RPH3A: variants seen among roughly 807,000 people sequenced by gnomAD.
RPH3A encodes the protein rabphilin 3A.
Under a neutral mutation model 102.2 loss-of-function variants are expected in RPH3A, and 48 were observed. The ratio of observed to expected loss-of-function variants is 0.47; its 90% CI spans 0.37 to 0.60. RPH3A has a LOEUF of 0.60. Ranked by LOEUF, RPH3A falls within the 20% of genes least tolerant of loss-of-function variation. The pLI, the probability that RPH3A is intolerant of heterozygous loss-of-function variation, is 0.00. For synonymous variants in RPH3A, 310 were observed against 324.3 expected, an observed-to-expected ratio of 0.96 and a Z score of 0.47; for missense variants, 781 against 910.1, an observed-to-expected ratio of 0.86 and a Z score of 1.83.
rs115373870 is a variant in RPH3A at position 112,875,233 on chromosome 12, C to T, written c.883+63C>T. On this transcript the variant is annotated intron_variant, in intron 11 of 21. Coordinates refer to ENST00000389385, the MANE Select transcript of RPH3A (RefSeq NM_001143854.2). ...TCACTCGGCTGTGACCCTCATACCT[C>T]CCATCCCTGCTTGCAGAGCATGCTG... 1,124 of 1,279,636 alleles carry T rather than the reference C, an allele frequency of 8.8e-4. 3 individuals are homozygous for T. The African/African-American group carries it at 0.015, about 17-fold the overall frequency. 79.3% of individuals were successfully genotyped at this position (1,279,636 alleles called of 1,614,324 possible). A position where few individuals can be genotyped will look rare whatever the true frequency, so the allele number is the denominator to read the frequency against.
intron 1 of RPH3A, among the ~76,000 whole-genome samples, chr12:112,715,851 AG>A (rs1427452113): frequency 6.6e-6 from 1 of 152,210 alleles, no homozygotes; most frequent in Non-Finnish European, 1.5e-5. Flanking sequence ...AATAGTCCTG[AG>A]GGCTGCTGGT....
intron 1 of RPH3A, among the ~76,000 whole-genome samples, chr12:112,683,387 G>T (rs1024894385): frequency 6.6e-6 from 1 of 152,166 alleles, no homozygotes; most frequent in Admixed American, 6.5e-5. Context: ...CACAGGCTAG[G>T]TAGGGGTCCT....
chr12:112,655,946 G>T (rs1468795547), intron 1 of RPH3A, among the ~76,000 whole-genome samples: 1 of 152,098 alleles, frequency 6.6e-6, no homozygotes, highest in Non-Finnish European at 1.5e-5. Context: ...TCTTGTTCAA[G>T]ATCATAGCTG....
chr12:112,848,245 G>A (rs1359741624), intron 5 of RPH3A, among the ~76,000 whole-genome samples: 1 of 152,212 alleles, frequency 6.6e-6, no homozygotes, highest in Non-Finnish European at 1.5e-5. Context: ...TTCTGGAGAT[G>A]AGAGCCATGT....
chr12:112,851,206 C>T (rs779906420), intron 5 of RPH3A, among the ~76,000 whole-genome samples: 1 of 152,098 alleles, frequency 6.6e-6, no homozygotes, highest in Non-Finnish European at 1.5e-5. Context: ...CTATTATTAT[C>T]CCCATTTTGC....
At chr12:112,890,228 C>A in intron 18 of RPH3A, 148 bp downstream of exon 18, 1 of 718,170 alleles carries the variant, frequency 1.4e-6, no homozygotes, top group Non-Finnish European at 2.4e-6. Context: ...AACCCTTTGC[C>A]CACAAGTGAT....
At chr12:112,583,666 C>T (rs1401073336) in intron 1 of RPH3A, among the ~76,000 whole-genome samples, 1 of 151,950 alleles carries the variant, frequency 6.6e-6, no homozygotes, top group Admixed American at 6.6e-5. Flanking sequence ...CATCCTATAT[C>T]CATGCCTCAG....
intron 1 of RPH3A, among the ~76,000 whole-genome samples, chr12:112,731,749 C>T (rs184876283): frequency 1.3e-5 from 2 of 152,184 alleles, no homozygotes; most frequent in Admixed American, 6.5e-5. Flanking sequence ...CTAATTAAAT[C>T]GTCTACAAAA....
chr12:112,790,494 G>A (rs1343334930), upstream of RPH3A, among the ~76,000 whole-genome samples: 1 of 152,200 alleles, frequency 6.6e-6, no homozygotes, highest in Non-Finnish European at 1.5e-5. Context: ...CTTTAGATAT[G>A]AGTCTCCAAT....
At chr12:112,718,532 C>T (rs1041369078) in intron 1 of RPH3A, among the ~76,000 whole-genome samples, 2 of 152,132 alleles carry the variant, frequency 1.3e-5, no homozygotes, top group East Asian at 3.8e-4. Flanking sequence ...CACATGCATA[C>T]ACACTCTTTC....
rs538464876 is a variant in RPH3A, at chr12:112,846,710, C to T, written c.84-986C>T. Among the ~76,000 whole-genome samples, 3 of 152,318 alleles carry T rather than the reference C, an allele frequency of 2.0e-5. No homozygotes were observed. In the East Asian group the frequency reaches 5.8e-4, roughly 29 times the overall value. ...GGACAAGAATTTCTAGTGGTGTTTA[C>T]CCCTGCCTTCCACTCCAGTGATGCA... On this transcript the variant is annotated intron_variant, in intron 4 of 21. Coordinates refer to ENST00000389385, the MANE Select transcript of RPH3A (RefSeq NM_001143854.2).
At chr12:112,794,654 G>A (rs1192137791) in intron 2 of RPH3A, among the ~76,000 whole-genome samples, 1 of 152,172 alleles carries the variant, frequency 6.6e-6, no homozygotes, top group Admixed American at 6.5e-5. Context: ...GGGGTTAGTG[G>A]ATCCTCAATA....
At position 112,817,547 on chromosome 12, in the gene RPH3A, C is replaced by T. The variant is rs558959020; in HGVS notation, c.-18-10754C>T. ...TATAAATCTTTTCTAGAAATGCACA[C>T]GTGTGTGTGTGTGTGCACCCCCCAC... On this transcript the variant is annotated intron_variant, in intron 2 of 21. Coordinates refer to ENST00000389385, the MANE Select transcript of RPH3A (RefSeq NM_001143854.2). Among the ~76,000 whole-genome samples the T allele has an allele frequency of 7.4e-4, 110 of 148,916 alleles. 2 individuals carry two copies. The Middle Eastern group carries it at 0.01, about 14-fold the overall frequency.
chr12:112,884,070 A>G (rs968642173), intron 16 of RPH3A, among the ~76,000 whole-genome samples: 2 of 152,180 alleles, frequency 1.3e-5, no homozygotes, highest in African/African-American at 4.8e-5. Flanking sequence ...TATTACAGCC[A>G]TGAAAAGACA....
At chr12:112,735,757 C>T (rs3825204) in intron 1 of RPH3A, among the ~76,000 whole-genome samples, 19,475 of 152,126 alleles carry the variant, frequency 0.13, 1,567 homozygotes, top group Admixed American at 0.2. Flanking sequence ...CCCACCTCCC[C>T]CCAAGCCTTT....
intron 1 of RPH3A, among the ~76,000 whole-genome samples, chr12:112,587,750 G>A (rs1167895619): frequency 6.6e-6 from 1 of 152,154 alleles, no homozygotes; most frequent in African/African-American, 2.4e-5. Context: ...GGTCATTGCT[G>A]AACCTGTAGG....
intron 1 of RPH3A, among the ~76,000 whole-genome samples, chr12:112,621,219 T>C (rs900168510): frequency 6.6e-6 from 1 of 151,906 alleles, no homozygotes; most frequent in African/African-American, 2.4e-5. Flanking sequence ...GATGGCCGAA[T>C]AGGAACAGCT....
intron 1 of RPH3A, among the ~76,000 whole-genome samples, chr12:112,575,934 T>C (rs946178143): frequency 2.6e-5 from 4 of 152,106 alleles, no homozygotes; most frequent in African/African-American, 9.7e-5. Context: ...CCTGACAATA[T>C]ATCCTTTTGA....
intron 1 of RPH3A, among the ~76,000 whole-genome samples, chr12:112,664,340 G>A (rs2040070181): frequency 6.6e-6 from 1 of 152,244 alleles, no homozygotes; most frequent in Admixed American, 6.5e-5. Flanking sequence ...GGGGATTTAA[G>A]CAGGAGGTAA....
Sources: allele counts gnomAD v4.1 joint callset (sites outside exome capture counted in the v4.1 genomes callset), GRCh38; gene constraint gnomAD v4.1.1; transcripts MANE v1.5; gene names NCBI Gene and HGNC (gene_info 2026-07-23, HGNC 2026-07-21).